CCSER2: variants seen among roughly 807,000 people sequenced by gnomAD.
CCSER2 encodes the protein serine-rich coiled-coil domain-containing protein 2.
A neutral mutation model predicts 92.3 loss-of-function variants in CCSER2; 46 were observed. The ratio of observed to expected loss-of-function variants is 0.50; its 90% CI spans 0.39 to 0.64. The LOEUF (loss-of-function observed/expected upper bound fraction) is 0.64, where lower values mean the gene tolerates loss of function less well. Ranked by LOEUF, CCSER2 falls within the 30% of genes least tolerant of loss-of-function variation. The pLI, the probability that CCSER2 is intolerant of heterozygous loss-of-function variation, is 0.00. For missense variants in CCSER2, 1,244 were observed against 1,238.9 expected (o/e 1.00, Z -0.06); for synonymous variants, 433 against 431.4 (o/e 1.00, Z -0.04).
At chr10:84,400,008 G>GA (rs1462846880) in intron 3 of CCSER2, among the ~76,000 whole-genome samples, 2 of 151,668 alleles carry the variant, frequency 1.3e-5, no homozygotes, top group Non-Finnish European at 2.9e-5. Flanking sequence ...GAACTTTTTT[G>GA]TGTGTTTATT....
intron 3 of CCSER2, among the ~76,000 whole-genome samples, chr10:84,386,023 CAGAG>C (rs765363074): frequency 6.6e-6 from 1 of 151,994 alleles, no homozygotes; most frequent in Non-Finnish European, 1.5e-5. Context: ...ATCAAAACCA[CAGAG>C]AGATTCTACC....
At chr10:84,353,858 T>C (rs1031830971) in intron 1 of CCSER2, among the ~76,000 whole-genome samples, 10 of 151,760 alleles carry the variant, frequency 6.6e-5, no homozygotes, top group African/African-American at 2.4e-4. Context: ...TGAGCTCTTT[T>C]CCTGCAGAAA....
intron 1 of CCSER2, among the ~76,000 whole-genome samples, chr10:84,347,380 G>A (rs1007193077): frequency 6.6e-5 from 10 of 150,674 alleles, no homozygotes; most frequent in Admixed American, 4.0e-4. Context: ...CCCACCTCCC[G>A]GACGGGGCGG....
At chr10:84,413,982 A>G (rs182660729) in intron 3 of CCSER2, among the ~76,000 whole-genome samples, 25 of 151,880 alleles carry the variant, frequency 1.6e-4, no homozygotes, top group Admixed American at 1.4e-3. Flanking sequence ...TGCTTTTTTT[A>G]TGTTTTCCAT....
chr10:84,503,176 C>CG, intron 9 of CCSER2, among the ~76,000 whole-genome samples: 1 of 151,946 alleles, frequency 6.6e-6, no homozygotes, highest in East Asian at 1.9e-4. Flanking sequence ...TGCCGTGAGC[C>CG]AGATCGCACC....
intron 6 of CCSER2, among the ~76,000 whole-genome samples, chr10:84,450,917 G>C (rs968680619): frequency 6.6e-6 from 1 of 152,158 alleles, no homozygotes; most frequent in Admixed American, 6.5e-5. Flanking sequence ...ATTGTGTGTT[G>C]TATAAAGATT....
chr10:84,436,324 T>TAAAA (rs1844129178), intron 5 of CCSER2, among the ~76,000 whole-genome samples: 1 of 5,054 alleles, frequency 2.0e-4, no homozygotes, highest in Non-Finnish European at 3.6e-4. Context: ...AGACTCCGTC[T>TAAAA]CAAAAAAAAA....
At chr10:84,396,282 AC>A (rs1265157060) in intron 3 of CCSER2, among the ~76,000 whole-genome samples, 36 of 150,484 alleles carry the variant, frequency 2.4e-4, no homozygotes, top group Middle Eastern at 3.6e-3. Context: ...TATATTATAT[AC>A]CATAACTATA....
intron 9 of CCSER2, among the ~76,000 whole-genome samples, chr10:84,478,301 T>A (rs1847272321): frequency 6.6e-6 from 1 of 152,172 alleles, no homozygotes; most frequent in Non-Finnish European, 1.5e-5. Flanking sequence ...GTGCAGGATG[T>A]GTGTGAGCCA....
intron 7 of CCSER2, among the ~76,000 whole-genome samples, chr10:84,468,021 C>T (rs1846553589): frequency 6.6e-6 from 1 of 152,196 alleles, no homozygotes; most frequent in Non-Finnish European, 1.5e-5. Context: ...ATCTGTCACT[C>T]CCTAGCTAAG....
intron 9 of CCSER2, among the ~76,000 whole-genome samples, chr10:84,499,562 A>C (rs1305355187): frequency 1.3e-5 from 2 of 152,168 alleles, no homozygotes; most frequent in East Asian, 3.8e-4. Context: ...AAAAGACTGG[A>C]ATCTGCTACT....
At chr10:84,330,132 G>A (rs1843479312) in intron 1 of CCSER2, among the ~76,000 whole-genome samples, 1 of 152,184 alleles carries the variant, frequency 6.6e-6, no homozygotes, top group South Asian at 2.1e-4. Context: ...CTATTTTGGA[G>A]GAAGGGACTT....
At chr10:84,454,250 C>T (rs952885157) in intron 6 of CCSER2, among the ~76,000 whole-genome samples, 1 of 152,136 alleles carries the variant, frequency 6.6e-6, no homozygotes, top group Non-Finnish European at 1.5e-5. Flanking sequence ...GACCTTCTCC[C>T]TTGTGTGTCT....
In CCSER2 at chr10:84,517,536, A is replaced by G. The variant is rs372196168; in HGVS notation, c.*3269A>G. The G allele has an allele frequency of 8.5e-5, 13 of 152,678 alleles. No homozygotes were observed. Among genetic ancestry groups the G allele is most frequent in the African/African-American group, 3.1e-4 (13 of 41,476 alleles). 9.5% of individuals were successfully genotyped at this position (152,678 alleles called of 1,614,324 possible). A position where few individuals can be genotyped will look rare whatever the true frequency, so the allele number is the denominator to read the frequency against. On this transcript the variant is annotated 3_prime_UTR_variant, in exon 10 of 10. Coordinates refer to ENST00000372088, the MANE Select transcript of CCSER2 (RefSeq NM_001284240.2). ...AGAAAATATCAGATTTGCACTTTAAATGAGCTTAATTGCTTGAAGTTGTGC... is the reference window on the plus strand; with the variant it reads ...AGAAAATATCAGATTTGCACTTTAAGTGAGCTTAATTGCTTGAAGTTGTGC...
At chr10:84,357,683 C>G (rs1470123506) in intron 1 of CCSER2, among the ~76,000 whole-genome samples, 1 of 152,116 alleles carries the variant, frequency 6.6e-6, no homozygotes, top group Non-Finnish European at 1.5e-5. Flanking sequence ...ATCTCCTGAC[C>G]TCGTGATTCG....
intron 9 of CCSER2, among the ~76,000 whole-genome samples, chr10:84,503,099 C>A (rs982234224): frequency 6.6e-6 from 1 of 152,010 alleles, no homozygotes; most frequent in South Asian, 2.1e-4. Context: ...TGGCGGGTGC[C>A]TGTAGTCCCA....
chr10:84,364,743 T>TTG (rs146239155), intron 1 of CCSER2, among the ~76,000 whole-genome samples: 3,612 of 124,168 alleles, frequency 0.029, 107 homozygotes, highest in Admixed American at 0.093. Context: ...TGAATTTTTT[T>TTG]TTGTTTTTTT....
intron 5 of CCSER2, among the ~76,000 whole-genome samples, chr10:84,431,813 A>G (rs1464698048): frequency 6.6e-6 from 1 of 152,234 alleles, no homozygotes; most frequent in Non-Finnish European, 1.5e-5. Context: ...ACTGAAAAAC[A>G]TCTTGGTTGC....
At chr10:84,348,894 T>C (rs1844704633) in intron 1 of CCSER2, among the ~76,000 whole-genome samples, 1 of 152,188 alleles carries the variant, frequency 6.6e-6, no homozygotes. Context: ...TATATATGAA[T>C]AGGTATATAT....
Sources: allele counts gnomAD v4.1 joint callset (sites outside exome capture counted in the v4.1 genomes callset), GRCh38; gene constraint gnomAD v4.1.1; transcripts MANE v1.5; gene names NCBI Gene and HGNC (gene_info 2026-07-23, HGNC 2026-07-21).